Variants in ARHGAP22 observed in about 807,000 individuals in gnomAD.
The protein encoded by ARHGAP22 is Rho GTPase activating protein 22, also known as rho GTPase-activating protein 22.
In ARHGAP22, 48 loss-of-function variants were observed where a neutral mutation model predicts 59.1. The ratio of observed to expected loss-of-function variants is 0.81; its 90% CI spans 0.64 to 1.03. ARHGAP22 has a LOEUF of 1.03. Ranked by LOEUF, ARHGAP22 falls within the 50% of genes least tolerant of loss-of-function variation. The pLI, the probability that ARHGAP22 is intolerant of heterozygous loss-of-function variation, is 0.00. For synonymous variants in ARHGAP22, 445 were observed against 416.4 expected, an observed-to-expected ratio of 1.07 and a Z score of -0.84; for missense variants, 1,015 against 958.7, an observed-to-expected ratio of 1.06 and a Z score of -0.78.
Position 48,479,608 on chromosome 10 carries a change from G to C in ARHGAP22, c.451+28C>G, listed in dbSNP as rs199869395. On this transcript the variant is annotated intron_variant, in intron 4 of 9. Coordinates refer to ENST00000249601, the MANE Select transcript of ARHGAP22 (RefSeq NM_021226.4). ...ATTACCTGGAGGCAAGGGTTCTAGA[G>C]GGTGGGCATGCGATCTACGGGCAGT... is the stretch of plus-strand genomic sequence containing the variant. The C allele has an allele frequency of 1.3e-5, 21 of 1,613,840 alleles. No individual in the cohort carries two copies. The East Asian group carries it at 4.7e-4, about 36-fold the overall frequency.
chr10:48,452,656 G>C (rs958757485), intron 8 of ARHGAP22, among the ~76,000 whole-genome samples: 1 of 152,240 alleles, frequency 6.6e-6, no homozygotes, highest in Non-Finnish European at 1.5e-5. Context: ...GAGGTGGGCT[G>C]TCTTTTCTAT....
chr10:48,519,519 A>G (rs61841175), intron 3 of ARHGAP22, among the ~76,000 whole-genome samples: 19,050 of 152,314 alleles, frequency 0.13, 1,584 homozygotes, highest in Middle Eastern at 0.26. Flanking sequence ...AGGTGAGCTC[A>G]ATGGTTTCCT....
intron 3 of ARHGAP22, among the ~76,000 whole-genome samples, chr10:48,544,552 T>C (rs2056261480): frequency 6.6e-6 from 1 of 152,234 alleles, no homozygotes; most frequent in African/African-American, 2.4e-5. Flanking sequence ...GCCTGAGCAA[T>C]GGAATTGTCA....
At chr10:48,654,508 G>C (rs2062680826), upstream of ARHGAP22, among the ~76,000 whole-genome samples, 3 of 152,198 alleles carry the variant, frequency 2.0e-5, no homozygotes, top group African/African-American at 4.8e-5. Context: ...CCAGGAATAG[G>C]GTGGCTTGGC....
intron 1 of ARHGAP22, among the ~76,000 whole-genome samples, chr10:48,640,444 T>G (rs1157886188): frequency 6.6e-6 from 1 of 152,132 alleles, no homozygotes; most frequent in Non-Finnish European, 1.5e-5. Flanking sequence ...AGACAAACTC[T>G]TGAAAGTCAA....
intron 1 of ARHGAP22, among the ~76,000 whole-genome samples, chr10:48,584,881 C>A (rs1474099807): frequency 6.6e-6 from 1 of 151,912 alleles, no homozygotes; most frequent in Non-Finnish European, 1.5e-5. Context: ...GTAGTCCCAG[C>A]TACTCGGGAG....
chr10:48,443,895 C>T (rs1375134336), downstream of ARHGAP22: 1 of 152,166 alleles, frequency 6.6e-6, no homozygotes, highest in Non-Finnish European at 1.5e-5. Context: ...TGTATTTTAA[C>T]TTTAAAGAAC....
chr10:48,592,252 C>T (rs1386722861), intron 1 of ARHGAP22, among the ~76,000 whole-genome samples: 1 of 152,178 alleles, frequency 6.6e-6, no homozygotes, highest in East Asian at 1.9e-4. Flanking sequence ...AACTCCTGGG[C>T]TCAAGCAATC....
intron 3 of ARHGAP22, among the ~76,000 whole-genome samples, chr10:48,544,442 T>C (rs1407863786): frequency 1.3e-5 from 2 of 152,146 alleles, no homozygotes; most frequent in Non-Finnish European, 2.9e-5. Flanking sequence ...TTTTTGCCTG[T>C]AGAGCACCTG....
intron 3 of ARHGAP22, among the ~76,000 whole-genome samples, chr10:48,494,112 G>A (rs1187644890): frequency 1.3e-5 from 2 of 152,214 alleles, no homozygotes; most frequent in Admixed American, 6.5e-5. Flanking sequence ...GCTGGGCACG[G>A]CACCTGCACG....
At chr10:48,558,044 A>C (rs577658224) in intron 2 of ARHGAP22, among the ~76,000 whole-genome samples, 3 of 152,336 alleles carry the variant, frequency 2.0e-5, no homozygotes, top group Admixed American at 2.0e-4. Context: ...GTGGTGTTTA[A>C]CAATGGGGTC....
rs60902650 is a variant in ARHGAP22 at position 48,530,236 on chromosome 10, C to CAAAAAA, written c.322+25221_322+25226dup. Among the ~76,000 whole-genome samples, 248 of 49,010 alleles carry CAAAAAA rather than the reference C, an allele frequency of 5.1e-3. 10 individuals carry two copies. Among genetic ancestry groups the CAAAAAA allele is most frequent in the African/African-American group, 0.015 (208 of 14,106 alleles). The allele number at this position is 49,010 out of a possible 152,430, so 32.2% of individuals were successfully genotyped here. On this transcript the variant is annotated intron_variant, in intron 3 of 9. Coordinates refer to ENST00000249601, the MANE Select transcript of ARHGAP22 (RefSeq NM_021226.4). ...TGGGAGGCAGAGTGAGACTCCATTG[C>CAAAAAA]AAAAAAAAAAAAAAAAAAAAAAAAA...
intron 1 of ARHGAP22, among the ~76,000 whole-genome samples, chr10:48,590,746 C>T (rs1241865660): frequency 6.6e-6 from 1 of 152,042 alleles, no homozygotes; most frequent in Admixed American, 6.5e-5. Context: ...GGCGCTTGCT[C>T]TATGACTCTG....
chr10:48,654,773 ACTTTCTTT>A (rs201340687), upstream of ARHGAP22, among the ~76,000 whole-genome samples: 5,464 of 112,062 alleles, frequency 0.049, 175 homozygotes, highest in East Asian at 0.066. Flanking sequence ...CATGCTGATT[ACTTTCTTT>A]CTTTCTTTCT....
intron 2 of ARHGAP22, among the ~76,000 whole-genome samples, chr10:48,578,963 T>C (rs2058939076): frequency 6.6e-6 from 1 of 152,202 alleles, no homozygotes; most frequent in African/African-American, 2.4e-5. Context: ...CTCTCTTTTT[T>C]AGACCCAATC....
intron 4 of ARHGAP22, among the ~76,000 whole-genome samples, chr10:48,470,569 T>C (rs2048139193): frequency 6.6e-6 from 1 of 152,206 alleles, no homozygotes; most frequent in South Asian, 2.1e-4. Context: ...GCCTGCCCTC[T>C]ATGAGCCTGG....
chr10:48,546,115 A>G (rs949465533), intron 3 of ARHGAP22, among the ~76,000 whole-genome samples: 1 of 152,192 alleles, frequency 6.6e-6, no homozygotes, highest in Non-Finnish European at 1.5e-5. Flanking sequence ...AAACTTGTAA[A>G]TGCACGAAAG....
chr10:48,459,910 T>C lies in ARHGAP22; in HGVS notation c.452-19A>G, dbSNP rs2046974483. ...AAGATCCCTGAGCACAGAGAGGAGC[T>C]AGTCACACCCTCCACCACCCAGCTC... On this transcript the variant is annotated intron_variant, in intron 4 of 9. Coordinates refer to ENST00000249601, the MANE Select transcript of ARHGAP22 (RefSeq NM_021226.4). 1 of 1,607,120 alleles carries C rather than the reference T, an allele frequency of 6.2e-7. No homozygotes were observed. The highest frequency in any genetic ancestry group is 1.7e-5 in the Admixed American group (1 of 59,830).
chr10:48,633,903 G>A (rs972043203), intron 1 of ARHGAP22, among the ~76,000 whole-genome samples: 2 of 152,166 alleles, frequency 1.3e-5, no homozygotes, highest in East Asian at 1.9e-4. Flanking sequence ...AGCTGGCTGC[G>A]GGATGCCCTG....
Sources: allele counts gnomAD v4.1 joint callset (sites outside exome capture counted in the v4.1 genomes callset), GRCh38; gene constraint gnomAD v4.1.1; transcripts MANE v1.5; gene names NCBI Gene and HGNC (gene_info 2026-07-23, HGNC 2026-07-21).